FOCAD: variants seen among roughly 807,000 people sequenced by gnomAD.
The protein encoded by FOCAD is focadhesin, also known as KIAA1797.
A neutral mutation model predicts 225.6 loss-of-function variants in FOCAD; 198 were observed. The observed-to-expected ratio is 0.88, with a 90% CI of 0.78 to 0.99. FOCAD has a LOEUF of 0.99. Among genes scored for constraint, FOCAD ranks in the 50% least tolerant of loss-of-function variants. The probability of loss-of-function intolerance (pLI) is 0.00; values close to 1 mark genes in which losing one functional copy is unlikely to be tolerated. For synonymous variants in FOCAD, 897 were observed against 755.0 expected (o/e 1.19, Z -3.08); for missense variants, 2,713 against 2,123.6 (o/e 1.28, Z -5.46).
At chr9:20,845,447 A>ATATATG (rs981212098) in intron 15 of FOCAD, among the ~76,000 whole-genome samples, 4 of 145,424 alleles carry the variant, frequency 2.8e-5, no homozygotes, top group African/African-American at 1.0e-4. Flanking sequence ...TCCTCGATAT[A>ATATATG]TATATATATA....
intron 5 of FOCAD, among the ~76,000 whole-genome samples, chr9:20,749,378 G>C (rs903138835): frequency 6.6e-6 from 1 of 152,110 alleles, no homozygotes; most frequent in Non-Finnish European, 1.5e-5. Flanking sequence ...AGATGCATTT[G>C]TCTTAAAATT....
At chr9:20,902,808 T>C (rs1832666872) in intron 21 of FOCAD, among the ~76,000 whole-genome samples, 1 of 151,856 alleles carries the variant, frequency 6.6e-6, no homozygotes, top group African/African-American at 2.4e-5. Context: ...CTTGGGTAAC[T>C]GGAACATTGA....
At chr9:20,906,370 G>C (rs1832980347) in intron 21 of FOCAD, among the ~76,000 whole-genome samples, 1 of 151,700 alleles carries the variant, frequency 6.6e-6, no homozygotes, top group Non-Finnish European at 1.5e-5. Flanking sequence ...TAAAGTTGTA[G>C]CTGTTTGACT....
chr9:20,796,461 T>G (rs1445786763), intron 11 of FOCAD, among the ~76,000 whole-genome samples: 1 of 152,168 alleles, frequency 6.6e-6, no homozygotes, highest in Admixed American at 6.5e-5. Context: ...TTTCTCCACA[T>G]CCTCTCCAGC....
At chr9:20,948,715 C>A in intron 31 of FOCAD, 136 bp from the exon 32 acceptor site, 1 of 860,364 alleles carries the variant, frequency 1.2e-6, no homozygotes, top group Non-Finnish European at 1.8e-6. Flanking sequence ...ATTTTTGGTT[C>A]AGTTATACAG....
At chr9:20,805,785 C>A (rs535573246) in intron 11 of FOCAD, among the ~76,000 whole-genome samples, 1 of 152,056 alleles carries the variant, frequency 6.6e-6, no homozygotes, top group African/African-American at 2.4e-5. Context: ...AAAGGGGATA[C>A]GTTGTCAGAA....
intron 1 of FOCAD, among the ~76,000 whole-genome samples, chr9:20,701,047 G>A (rs1312300623): frequency 1.3e-5 from 2 of 152,200 alleles, no homozygotes; most frequent in African/African-American, 2.4e-5. Flanking sequence ...CCTTCAGAAT[G>A]AGACAAGAAT....
intron 21 of FOCAD, among the ~76,000 whole-genome samples, chr9:20,903,207 C>G (rs1465822509): frequency 6.6e-6 from 1 of 151,936 alleles, no homozygotes; most frequent in Non-Finnish European, 1.5e-5. Flanking sequence ...GGCTCCTAGC[C>G]TCATCTTCAC....
intron 10 of FOCAD, among the ~76,000 whole-genome samples, chr9:20,783,822 A>G (rs1483360942): frequency 2.0e-5 from 3 of 152,194 alleles, no homozygotes; most frequent in African/African-American, 7.2e-5. Flanking sequence ...TGTGGGGGAT[A>G]AAAGAGAGAA....
chr9:20,883,803 A>G (rs1418066635), intron 20 of FOCAD, among the ~76,000 whole-genome samples: 1 of 152,258 alleles, frequency 6.6e-6, no homozygotes, highest in African/African-American at 2.4e-5. Flanking sequence ...TTCAATGTAT[A>G]TTTTAGAAAA....
intron 21 of FOCAD, among the ~76,000 whole-genome samples, chr9:20,888,435 C>T (rs1831315156): frequency 6.6e-6 from 1 of 152,004 alleles, no homozygotes; most frequent in Non-Finnish European, 1.5e-5. Flanking sequence ...CTGCGCCTGG[C>T]CTTCATTTTT....
chr9:20,833,758 A>G (rs1418424580), intron 15 of FOCAD, among the ~76,000 whole-genome samples: 2 of 152,110 alleles, frequency 1.3e-5, no homozygotes, highest in Non-Finnish European at 2.9e-5. Flanking sequence ...AAGTTATATG[A>G]TTGACTAGTA....
chr9:20,829,976 A>G (rs1198266274), intron 15 of FOCAD, among the ~76,000 whole-genome samples: 1 of 152,078 alleles, frequency 6.6e-6, no homozygotes, highest in Non-Finnish European at 1.5e-5. Context: ...CCCAATTGTG[A>G]CAGGTACCGT....
At chr9:20,662,179 A>AATATATGTGTGTGTGTGTGCAT in intron 2 of FOCAD, among the ~76,000 whole-genome samples, 1 of 151,170 alleles carries the variant, frequency 6.6e-6, no homozygotes, top group East Asian at 1.9e-4. Flanking sequence ...ATAAAGTGGA[A>AATATATGTGTGTGTGTGTGCAT]ATATATGTGT....
chr9:20,673,206 A>C (rs541280657), intron 2 of FOCAD, among the ~76,000 whole-genome samples: 11 of 152,236 alleles, frequency 7.2e-5, no homozygotes, highest in African/African-American at 1.9e-4. Context: ...TTTTTTGACT[A>C]TTACAAATAA....
intron 11 of FOCAD, among the ~76,000 whole-genome samples, chr9:20,796,658 G>T (rs565996972): frequency 1.3e-5 from 2 of 152,002 alleles, no homozygotes; most frequent in African/African-American, 4.8e-5. Flanking sequence ...TTTTTGATGG[G>T]GTTGTTTGTT....
chr9:20,801,760 G>T (rs1022446375), intron 11 of FOCAD, among the ~76,000 whole-genome samples: 13 of 152,194 alleles, frequency 8.5e-5, no homozygotes, highest in Admixed American at 7.8e-4. Context: ...TCTTGTTGGG[G>T]TGTCAAAGAA....
At chr9:20,722,656 G>C (rs780839167) in intron 4 of FOCAD, among the ~76,000 whole-genome samples, 2 of 152,106 alleles carry the variant, frequency 1.3e-5, no homozygotes, top group Non-Finnish European at 2.9e-5. Context: ...TCACATACAC[G>C]CATATAAACA....
rs1341818365 is a variant in FOCAD, at chr9:20,956,695, G to T, written c.4132+3630G>T. Among the ~76,000 whole-genome samples, 2 of 152,200 alleles carry T rather than the reference G, an allele frequency of 1.3e-5. 1 individual carries two copies. The highest frequency in any genetic ancestry group is 4.1e-4 in the South Asian group (2 of 4,822). On this transcript the variant is annotated intron_variant, in intron 35 of 43. Transcript: ENST00000338382. ...AATAGCATATGTTTTTGGTGTGTTTGATTCCTTTTTTGTTTCATGAGGTTT... is the reference window on the plus strand; with the variant it reads ...AATAGCATATGTTTTTGGTGTGTTTTATTCCTTTTTTGTTTCATGAGGTTT...
Sources: allele counts gnomAD v4.1 joint callset (sites outside exome capture counted in the v4.1 genomes callset), GRCh38; gene constraint gnomAD v4.1.1; transcripts MANE v1.5; gene names NCBI Gene and HGNC (gene_info 2026-07-23, HGNC 2026-07-21).